Variants in ATP6V1H observed in about 807,000 individuals in gnomAD.
ATP6V1H encodes the protein ATPase H+ transporting V1 subunit H.
ATP6V1H carries 39 observed loss-of-function variants against 71.7 expected under a neutral mutation model. The observed-to-expected ratio is 0.54, with a 90% confidence interval of 0.42 to 0.71. The LOEUF is 0.71. ATP6V1H is among the 30% of genes least tolerant of loss of function. ATP6V1H has a pLI of 0.00. For synonymous variants in ATP6V1H, 192 were observed against 199.3 expected (o/e 0.96, Z 0.31); for missense variants, 509 against 594.9 (o/e 0.86, Z 1.50).
At chr8:53,807,262 G>T (rs1054544011) in intron 7 of ATP6V1H, among the ~76,000 whole-genome samples, 2 of 152,012 alleles carry the variant, frequency 1.3e-5, no homozygotes, top group East Asian at 1.9e-4. Context: ...TATTAGAACT[G>T]CCAGAGAAAA....
intron 12 of ATP6V1H, among the ~76,000 whole-genome samples, chr8:53,748,616 T>A (rs956807882): frequency 4.6e-4 from 70 of 152,116 alleles, no homozygotes; most frequent in South Asian, 2.1e-4. Context: ...AAAATACCCA[T>A]GATAAATGAG....
intron 10 of ATP6V1H, among the ~76,000 whole-genome samples, chr8:53,770,237 T>C (rs528188444): frequency 3.9e-5 from 6 of 152,294 alleles, no homozygotes; most frequent in African/African-American, 1.4e-4. Context: ...TATTTTACAA[T>C]GTGATTACAA....
rs569330202 is a variant in ATP6V1H at position 53,827,607 on chromosome 8, T to G, written c.306+1837A>C. 2.8e-4 allele frequency among the ~76,000 whole-genome samples: 43 copies of G among 152,224 alleles called. 1 individual carries two copies. In the South Asian group the frequency reaches 8.7e-3, roughly 31 times the overall value. On this transcript the variant is annotated intron_variant, in intron 4 of 13. Transcript: ENST00000359530. ...AGACTTGTTTTTTGTGTGTATGTGTTTTTTTCAACTCGTATTTTAGGTTCA... is the reference window on the plus strand; with the variant it reads ...AGACTTGTTTTTTGTGTGTATGTGTGTTTTTCAACTCGTATTTTAGGTTCA...
At chr8:53,766,812 C>G (rs1255320899) in intron 11 of ATP6V1H, among the ~76,000 whole-genome samples, 2 of 152,160 alleles carry the variant, frequency 1.3e-5, no homozygotes, top group African/African-American at 4.8e-5. Context: ...ATCTCAAAAC[C>G]CTGTCTCCTG....
intron 11 of ATP6V1H, among the ~76,000 whole-genome samples, chr8:53,760,320 C>T (rs1808227407): frequency 6.6e-6 from 1 of 152,210 alleles, no homozygotes; most frequent in African/African-American, 2.4e-5. Context: ...CACACAACTT[C>T]AGTAAACATA....
chr8:53,772,903 C>CAAAAAAAAAAAAAAAAAAAAAAAAAAAAA (rs201949406), intron 9 of ATP6V1H, among the ~76,000 whole-genome samples: 2 of 59,408 alleles, frequency 3.4e-5, no homozygotes, highest in African/African-American at 6.3e-5. Flanking sequence ...CTATCAAATG[C>CAAAAAAAAAAAAAAAAAAAAAAAAAAAAA]AAAAAAAAAA....
At chr8:53,823,555 G>A (rs1014987316) in intron 4 of ATP6V1H, among the ~76,000 whole-genome samples, 6 of 152,184 alleles carry the variant, frequency 3.9e-5, no homozygotes, top group African/African-American at 1.4e-4. Context: ...TCAGCTCACT[G>A]CAACCTCCAC....
At chr8:53,809,812 A>G (rs1810213912) in intron 7 of ATP6V1H, among the ~76,000 whole-genome samples, 1 of 152,206 alleles carries the variant, frequency 6.6e-6, no homozygotes, top group South Asian at 2.1e-4. Context: ...AAGATTCTCA[A>G]TGTAAACATC....
At chr8:53,814,788 A>G (rs770174639) in intron 5 of ATP6V1H, 22 bp from the exon 6 acceptor site, 1 of 1,497,480 alleles carries the variant, frequency 6.7e-7, no homozygotes, top group South Asian at 1.2e-5. Context: ...TAAGAGATAC[A>G]TTTAACGCAA....
At chr8:53,777,120 A>G (rs1235064555) in intron 9 of ATP6V1H, among the ~76,000 whole-genome samples, 4 of 152,254 alleles carry the variant, frequency 2.6e-5, no homozygotes, top group African/African-American at 9.6e-5. Context: ...AGAATGCCAG[A>G]AGGCAAGGAT....
chr8:53,766,219 C>T (rs1808457949), intron 11 of ATP6V1H, among the ~76,000 whole-genome samples: 1 of 152,182 alleles, frequency 6.6e-6, no homozygotes, highest in Admixed American at 6.5e-5. Flanking sequence ...TTATTAGTTC[C>T]CCAAATTAAT....
At chr8:53,765,799 A>G (rs975292521) in intron 11 of ATP6V1H, among the ~76,000 whole-genome samples, 1 of 152,208 alleles carries the variant, frequency 6.6e-6, no homozygotes, top group African/African-American at 2.4e-5. Flanking sequence ...CATATATTCT[A>G]AAGTTATGGA....
intron 13 of ATP6V1H, among the ~76,000 whole-genome samples, chr8:53,723,221 T>C (rs1238765502): frequency 6.6e-6 from 1 of 152,188 alleles, no homozygotes. Context: ...TAACTAAGAA[T>C]GTCAAGGATA....
rs180994100 is a variant in ATP6V1H at position 53,761,054 on chromosome 8, T to C, written c.1176-4398A>G. ...AACATAAAAGAAAAATACCATATAC[T>C]AGCCAGGCGCGGTGGCTCACGCCTG... On this transcript the variant is annotated intron_variant, in intron 11 of 13. Coordinates refer to ENST00000359530, the MANE Select transcript of ATP6V1H (RefSeq NM_015941.4). 9.9e-5 allele frequency among the ~76,000 whole-genome samples: 15 copies of C among 152,166 alleles called. No homozygotes were observed. In the East Asian group the frequency reaches 2.9e-3, roughly 29 times the overall value.
chr8:53,722,482 G>A (rs538278720), intron 13 of ATP6V1H, among the ~76,000 whole-genome samples: 25 of 152,220 alleles, frequency 1.6e-4, no homozygotes, highest in Non-Finnish European at 3.4e-4. Context: ...TAATAAGAAC[G>A]TTTATTTTCT....
intron 9 of ATP6V1H, among the ~76,000 whole-genome samples, chr8:53,783,121 C>CAATCAAT (rs2130369810): frequency 6.6e-6 from 1 of 151,948 alleles, no homozygotes; most frequent in South Asian, 2.1e-4. Flanking sequence ...GGAATGGTAC[C>CAATCAAT]AGCTCCTCCT....
At chr8:53,802,489 CG>C (rs1474827876) in intron 7 of ATP6V1H, among the ~76,000 whole-genome samples, 1 of 152,160 alleles carries the variant, frequency 6.6e-6, no homozygotes, top group Non-Finnish European at 1.5e-5. Context: ...GAGGCTGAGG[CG>C]GGGGGATTTC....
At position 53,841,579 on chromosome 8, in the gene ATP6V1H, G is replaced by T; in HGVS notation, c.112C>A (p.Gln38Lys). 6.2e-7 allele frequency: 1 copy of T among 1,614,018 alleles called. No individual in the cohort carries two copies. The highest frequency in any genetic ancestry group is 8.5e-7 in the Non-Finnish European group (1 of 1,179,922). ...ANKVNWQSYL[Q>K]GQMISAEDCE... ...GATTCACAGCAAATTGGTACTTACTGAAGATAGGATTGCCAGTTGACTTTG... is the reference window on the plus strand; with the variant it reads ...GATTCACAGCAAATTGGTACTTACTTAAGATAGGATTGCCAGTTGACTTTG... Residue 38 changes from glutamine to lysine, a missense_variant and splice_region_variant, in exon 2 of 14, where the codon CAG (glutamine) becomes AAG (lysine). Transcript: ENST00000359530.
At chr8:53,743,248 T>C (rs189081121) in intron 13 of ATP6V1H, among the ~76,000 whole-genome samples, 1 of 152,238 alleles carries the variant, frequency 6.6e-6, no homozygotes, top group Non-Finnish European at 1.5e-5. Context: ...CCTTGCAAAA[T>C]TGTGGCGTCT....
Sources: allele counts gnomAD v4.1 joint callset (sites outside exome capture counted in the v4.1 genomes callset), GRCh38; gene constraint gnomAD v4.1.1; transcripts MANE v1.5; gene names NCBI Gene and HGNC (gene_info 2026-07-23, HGNC 2026-07-21).